Variants in HRK observed in about 807,000 individuals in gnomAD.
HRK encodes the protein harakiri, BCL2 interacting protein, also known as activator of apoptosis harakiri.
HRK carries 6 observed loss-of-function variants against 5.9 expected under a neutral mutation model. The ratio of observed to expected loss-of-function variants is 1.02; its 90% CI spans 0.56 to 2.01. HRK has a LOEUF of 2.01. HRK is among the 30% of genes most tolerant of loss of function. The pLI, the probability that HRK is intolerant of heterozygous loss-of-function variation, is 0.00. For missense variants in HRK, 133 were observed against 128.3 expected (o/e 1.04, Z -0.18); for synonymous variants, 85 against 65.1 (o/e 1.31, Z -1.47).
rs1878283823 is a variant in HRK at position 116,859,623 on chromosome 12, A to T, written c.*1900T>A. On this transcript the variant is annotated 3_prime_UTR_variant, in exon 2 of 2. Coordinates refer to ENST00000257572, the MANE Select transcript of HRK (RefSeq NM_003806.4). ...ATGAGGAGAAACACGTTCTCCCAAA[A>T]TAAGCATTATTCTTCTTTTTTTTTT... 1 of 145,442 alleles carries T rather than the reference A, an allele frequency of 6.9e-6. No homozygotes were observed. The highest frequency in any genetic ancestry group is 2.5e-5 in the African/African-American group (1 of 40,764). 9.0% of individuals were successfully genotyped at this position (145,442 alleles called of 1,614,324 possible). A position where few individuals can be genotyped will look rare whatever the true frequency, so the allele number is the denominator to read the frequency against.
intron 1 of HRK, among the ~76,000 whole-genome samples, chr12:116,876,364 C>A (rs968475835): frequency 6.6e-6 from 1 of 152,248 alleles, no homozygotes; most frequent in Non-Finnish European, 1.5e-5. Context: ...GGGAGGCCTG[C>A]GGGATGCGCC....
At chr12:116,871,188 C>T (rs567927685) in intron 1 of HRK, among the ~76,000 whole-genome samples, 6 of 152,184 alleles carry the variant, frequency 3.9e-5, no homozygotes, top group Middle Eastern at 6.8e-3. Context: ...AACTCCTGAC[C>T]TCAGGAGCTC....
At chr12:116,868,833 C>T (rs1327620632) in intron 1 of HRK, among the ~76,000 whole-genome samples, 1 of 152,152 alleles carries the variant, frequency 6.6e-6, no homozygotes, top group Non-Finnish European at 1.5e-5. Flanking sequence ...GTCAGAGTGG[C>T]CTAAGTAGGC....
chr12:116,861,749 T>C (rs1315837635), intron 1 of HRK, among the ~76,000 whole-genome samples: 3 of 152,238 alleles, frequency 2.0e-5, no homozygotes, highest in African/African-American at 7.2e-5. Flanking sequence ...GATATTTACA[T>C]AGGCATCTTC....
At chr12:116,880,668 A>T (rs1042026039) in intron 1 of HRK, among the ~76,000 whole-genome samples, 1 of 151,980 alleles carries the variant, frequency 6.6e-6, no homozygotes, top group African/African-American at 2.4e-5. Flanking sequence ...TTGTGTGTTT[A>T]TTTGTGGGGC....
chr12:116,869,234 G>A (rs976859817), intron 1 of HRK, among the ~76,000 whole-genome samples: 21 of 152,114 alleles, frequency 1.4e-4, no homozygotes, highest in South Asian at 4.2e-4. Flanking sequence ...TACCCACCTC[G>A]GTCCCCCAAA....
At chr12:116,866,135 G>C (rs913526910) in intron 1 of HRK, among the ~76,000 whole-genome samples, 5 of 123,640 alleles carry the variant, frequency 4.0e-5, no homozygotes, top group Non-Finnish European at 4.8e-5. Flanking sequence ...TCCAGCCTGG[G>C]AGAGAGAGCA....
rs559012507 is a variant in HRK at position 116,866,081 on chromosome 12, C to T, written c.*57-4615G>A. Among the ~76,000 whole-genome samples the T allele has an allele frequency of 2.9e-5, 4 of 140,256 alleles. No individual in the cohort carries two copies. In the South Asian group the frequency reaches 9.0e-4, roughly 32 times the overall value. The allele number at this position is 140,256 out of a possible 152,430, so 92.0% of individuals were successfully genotyped here. A position where few individuals can be genotyped will look rare whatever the true frequency, so the allele number is the denominator to read the frequency against. ...GCTGAGACAGGAGAATCACTTAAACCCGGGAGGCAGAGGTTGCAGTGAACT... is the reference window on the plus strand; with the variant it reads ...GCTGAGACAGGAGAATCACTTAAACTCGGGAGGCAGAGGTTGCAGTGAACT... On this transcript the variant is annotated intron_variant, in intron 1 of 1. Transcript: ENST00000257572.
intron 1 of HRK, among the ~76,000 whole-genome samples, chr12:116,870,040 G>A (rs12824798): frequency 0.4 from 60,878 of 151,912 alleles, 15,013 homozygotes; most frequent in Admixed American, 0.58. Flanking sequence ...AGATCGTGCC[G>A]CTGCACTCCA....
chr12:116,868,139 T>C, intron 1 of HRK, among the ~76,000 whole-genome samples: 1 of 152,126 alleles, frequency 6.6e-6, no homozygotes. Flanking sequence ...ATTTTTTTTT[T>C]TTTATGGGAT....
rs978497073 is a variant in HRK at position 116,860,411 on chromosome 12, A to C, written c.*1112T>G. 3 of 152,176 alleles carry C rather than the reference A, an allele frequency of 2.0e-5. No homozygotes were observed. Among genetic ancestry groups the C allele is most frequent in the Non-Finnish European group, 4.4e-5 (3 of 68,046 alleles). The allele number at this position is 152,176 out of a possible 1,614,324, so 9.4% of individuals were successfully genotyped here. A position where few individuals can be genotyped will look rare whatever the true frequency, so the allele number is the denominator to read the frequency against. ...CTCCCACAACATCCCCCGGTTATAA[A>C]TCATCTTTGAACAGAATGTAGCCAT... is the stretch of plus-strand genomic sequence containing the variant. On this transcript the variant is annotated 3_prime_UTR_variant, in exon 2 of 2. Coordinates refer to ENST00000257572, the MANE Select transcript of HRK (RefSeq NM_003806.4).
chr12:116,868,383 C>A (rs1314467782), intron 1 of HRK, among the ~76,000 whole-genome samples: 1 of 152,178 alleles, frequency 6.6e-6, no homozygotes, highest in East Asian at 1.9e-4. Context: ...TCCTACTATC[C>A]CCTGGCATTT....
chr12:116,874,057 T>A (rs1320363248), intron 1 of HRK, among the ~76,000 whole-genome samples: 1 of 152,138 alleles, frequency 6.6e-6, no homozygotes, highest in Non-Finnish European at 1.5e-5. Flanking sequence ...GTGAGTTGGT[T>A]CAGGGATCAG....
At chr12:116,872,225 C>T (rs1340946875) in intron 1 of HRK, among the ~76,000 whole-genome samples, 2 of 152,040 alleles carry the variant, frequency 1.3e-5, no homozygotes, top group African/African-American at 4.8e-5. Context: ...AAAAATTAAG[C>T]CAGGTGTGGT....
At chr12:116,876,119 C>CG (rs1878917216) in intron 1 of HRK, among the ~76,000 whole-genome samples, 1 of 152,138 alleles carries the variant, frequency 6.6e-6, no homozygotes, top group South Asian at 2.1e-4. Flanking sequence ...TAATTATCCC[C>CG]GGGTGTGGCT....
In HRK at chr12:116,859,338, C is replaced by A. The variant is rs1380562880; in HGVS notation, c.*2185G>T. Reference sequence around the variant, plus strand: ...CCCACTACGATCTTGAAGGTACAGCCTTAAAGAAGCAGAGAACTGTGATTG... The same window carrying A: ...CCCACTACGATCTTGAAGGTACAGCATTAAAGAAGCAGAGAACTGTGATTG... On this transcript the variant is annotated 3_prime_UTR_variant, in exon 2 of 2. Coordinates refer to ENST00000257572, the MANE Select transcript of HRK (RefSeq NM_003806.4). 2 of 152,122 alleles carry A rather than the reference C, an allele frequency of 1.3e-5. No homozygotes were observed. The highest frequency in any genetic ancestry group is 4.8e-5 in the African/African-American group (2 of 41,418). 9.4% of individuals were successfully genotyped at this position (152,122 alleles called of 1,614,324 possible).
chr12:116,868,966 TC>T (rs1334654595), intron 1 of HRK, among the ~76,000 whole-genome samples: 2 of 71,496 alleles, frequency 2.8e-5, no homozygotes, highest in Non-Finnish European at 7.4e-5. Context: ...AACTTCTTCT[TC>T]GTTTTTTTTT....
intron 1 of HRK, among the ~76,000 whole-genome samples, chr12:116,870,248 T>C (rs956992550): frequency 1.3e-5 from 2 of 152,190 alleles, no homozygotes; most frequent in African/African-American, 4.8e-5. Context: ...ACTTATTAAG[T>C]ACCATGTGCT....
intron 1 of HRK, among the ~76,000 whole-genome samples, chr12:116,869,280 C>A (rs1878658449): frequency 1.3e-5 from 2 of 152,168 alleles, no homozygotes; most frequent in African/African-American, 4.8e-5. Context: ...CCACACCCAG[C>A]CTATGGACTC....
Sources: gnomAD v4.1 joint callset for allele counts (sites outside exome capture counted in the v4.1 genomes callset) on GRCh38, gnomAD v4.1.1 for gene constraint, MANE v1.5 for transcripts, NCBI Gene and HGNC (gene_info 2026-07-23, HGNC 2026-07-21) for gene names.